TENM2: variants seen among roughly 807,000 people sequenced by gnomAD.
The protein encoded by TENM2 is teneurin transmembrane protein 2.
TENM2 carries 52 observed loss-of-function variants against 245.2 expected under a neutral mutation model. The observed-to-expected ratio is 0.21, with a 90% CI of 0.17 to 0.27. TENM2 has a LOEUF of 0.27. Among genes scored for constraint, TENM2 ranks in the 10% least tolerant of loss-of-function variants. The pLI is 1.00. For synonymous variants in TENM2, 1,363 were observed against 1,438.9 expected (o/e 0.95, Z 1.19); for missense variants, 3,046 against 3,666.8 (o/e 0.83, Z 4.37).
rs903270331 is a variant in TENM2 at position 168,139,428 on chromosome 5, A to C, written c.2422+12462A>C. The stretch of plus-strand genomic sequence containing the variant: ...CCTTCAGATGCTTATAATCTAATTT[A>C]GTTAGATTACTGCTTGGACATCTCT... On this transcript the variant is annotated intron_variant, in intron 12 of 28. Transcript: ENST00000518659. 2.2e-5 allele frequency: 10 copies of C among 455,574 alleles called. No individual in the cohort carries two copies. The Admixed American group carries it at 2.4e-4, about 11-fold the overall frequency. 28.2% of individuals were successfully genotyped at this position (455,574 alleles called of 1,614,324 possible).
chr5:167,614,262 C>T (rs1216812053), intron 2 of TENM2, among the ~76,000 whole-genome samples: 2 of 152,168 alleles, frequency 1.3e-5, no homozygotes. Flanking sequence ...AACACGGTAA[C>T]GGAATAAACA....
intron 7 of TENM2, among the ~76,000 whole-genome samples, chr5:168,071,435 T>C (rs1791005557): frequency 6.6e-6 from 1 of 152,234 alleles, no homozygotes; most frequent in Non-Finnish European, 1.5e-5. Context: ...CATTTTTTAG[T>C]ATATTTTCCA....
chr5:168,186,508 G>A (rs76586260), intron 13 of TENM2: 2 of 152,286 alleles, frequency 1.3e-5, no homozygotes, highest in East Asian at 3.9e-4. Context: ...TTCACTGAGT[G>A]AAGTAAGATT....
Position 168,047,470 on chromosome 5 carries a change from T to TG in TENM2, c.1233dup (p.His412AlafsTer4). On this transcript the variant is annotated frameshift_variant, in exon 6 of 29. Coordinates refer to ENST00000518659, the Ensembl canonical transcript of TENM2. LOFTEE classifies it high-confidence loss of function. ...TCAATTGGCAACTCCAGCCTGCAGA[T>TG]GGGCACACCTTTAACAATGGGATAA... is the stretch of plus-strand genomic sequence containing the variant. 6.4e-7 allele frequency: 1 copy of TG among 1,551,740 alleles called. No individual in the cohort carries two copies. The highest frequency in any genetic ancestry group is 8.7e-7 in the Non-Finnish European group (1 of 1,147,002).
intron 3 of TENM2, among the ~76,000 whole-genome samples, chr5:167,944,267 C>G (rs536227260): frequency 6.6e-6 from 1 of 152,272 alleles, no homozygotes; most frequent in Admixed American, 6.5e-5. Flanking sequence ...CTTGTTTCCC[C>G]TCCCACAAAT....
intron 2 of TENM2, among the ~76,000 whole-genome samples, chr5:167,575,394 A>C (rs1774577774): frequency 6.6e-6 from 1 of 152,160 alleles, no homozygotes; most frequent in Non-Finnish European, 1.5e-5. Flanking sequence ...TGTTGATTTC[A>C]GCGGCCACGG....
chr5:168,047,982 G>A (rs558595163), intron 6 of TENM2, among the ~76,000 whole-genome samples: 1 of 152,338 alleles, frequency 6.6e-6, no homozygotes, highest in African/African-American at 2.4e-5. Context: ...CCCTCTCCCA[G>A]GAGACATGCA....
the TENM2 span, among the ~76,000 whole-genome samples, chr5:167,034,174 A>G: frequency 3.3e-5 from 5 of 152,192 alleles, no homozygotes; most frequent in Non-Finnish European, 7.3e-5. Flanking sequence ...ATAATGCTCT[A>G]TATCAGAGTA....
intron 1 of TENM2, among the ~76,000 whole-genome samples, chr5:167,373,386 T>A (rs778783374): frequency 6.6e-6 from 1 of 152,208 alleles, no homozygotes; most frequent in Non-Finnish European, 1.5e-5. Context: ...GACAGAATGA[T>A]AAGGAATGAT....
At chr5:167,876,310 C>A in intron 3 of TENM2, 115 bp downstream of exon 5, 2 of 858,584 alleles carry the variant, frequency 2.3e-6, no homozygotes, top group African/African-American at 1.7e-5. Flanking sequence ...TGGGGAGCAT[C>A]AGGGTGAAAT....
the TENM2 span, among the ~76,000 whole-genome samples, chr5:167,043,187 G>A: frequency 1.3e-5 from 2 of 152,174 alleles, no homozygotes; most frequent in Non-Finnish European, 2.9e-5. Context: ...CTCAACAATC[G>A]TTTATGAAGC....
chr5:167,943,458 A>T (rs537595540), intron 3 of TENM2, among the ~76,000 whole-genome samples: 1 of 152,330 alleles, frequency 6.6e-6, no homozygotes, highest in Non-Finnish European at 1.5e-5. Flanking sequence ...GACCTAAAGA[A>T]TGGCATCTCA....
At chr5:167,208,563 T>C in the TENM2 span, among the ~76,000 whole-genome samples, 3 of 152,228 alleles carry the variant, frequency 2.0e-5, no homozygotes, top group African/African-American at 7.2e-5. Flanking sequence ...GATATTATCT[T>C]AGTATTTAGA....
chr5:167,247,905 A>G, the TENM2 span, among the ~76,000 whole-genome samples: 1 of 152,294 alleles, frequency 6.6e-6, no homozygotes, highest in East Asian at 1.9e-4. Context: ...AATCCATCGT[A>G]TCACAGGAAC....
the TENM2 span, among the ~76,000 whole-genome samples, chr5:167,230,243 A>C: frequency 1.3e-5 from 2 of 152,206 alleles, no homozygotes; most frequent in Non-Finnish European, 2.9e-5. Context: ...AGGAGCTCTC[A>C]CCTGACTAGG....
chr5:167,143,948 T>C, the TENM2 span, among the ~76,000 whole-genome samples: 1 of 151,962 alleles, frequency 6.6e-6, no homozygotes, highest in Admixed American at 6.6e-5. Flanking sequence ...AAAAGAGCCA[T>C]TGGTGATGAG....
chr5:167,188,713 A>G, the TENM2 span, among the ~76,000 whole-genome samples: 1 of 152,134 alleles, frequency 6.6e-6, no homozygotes, highest in South Asian at 2.1e-4. Context: ...AGCCAGAAGG[A>G]GTCTTTAGGT....
intron 7 of TENM2, among the ~76,000 whole-genome samples, chr5:168,080,643 T>C (rs1791910293): frequency 2.0e-5 from 3 of 152,320 alleles, no homozygotes; most frequent in African/African-American, 7.2e-5. Flanking sequence ...TTTGTTCTCG[T>C]TGGTTTCAAA....
the TENM2 span, among the ~76,000 whole-genome samples, chr5:167,018,607 A>C: frequency 1.3e-5 from 2 of 152,196 alleles, no homozygotes; most frequent in Non-Finnish European, 2.9e-5. Context: ...ACATGCGAGA[A>C]AATCAAAAGT....
Sources: gnomAD v4.1 joint callset for allele counts (sites outside exome capture counted in the v4.1 genomes callset) on GRCh38, gnomAD v4.1.1 for gene constraint, MANE v1.5 for transcripts, NCBI Gene and HGNC (gene_info 2026-07-23, HGNC 2026-07-21) for gene names.